Variants in PAK4 observed in about 807,000 individuals in gnomAD.
The protein encoded by PAK4 is serine/threonine-protein kinase PAK 4.
PAK4 carries 49 observed loss-of-function variants against 53.5 expected under a neutral mutation model. The observed-to-expected ratio is 0.92, with a 90% CI of 0.73 to 1.16. The LOEUF is 1.16. PAK4 is among the 50% of genes most tolerant of loss of function. PAK4 has a pLI of 0.00. For synonymous variants in PAK4, 376 were observed against 375.6 expected (o/e 1.00, Z -0.01); for missense variants, 824 against 850.7 (o/e 0.97, Z 0.39).
In PAK4 at chr19:39,175,337, G is replaced by C; in HGVS notation, c.1258G>C (p.Val420Leu). Residue 420 changes from valine (V) to leucine (L), a missense_variant, in exon 6 of 9, where the codon GTG (valine) becomes CTG (leucine). Around this residue, in one of 2 missense-constraint regions of PAK4, gnomAD observed 346 missense variants for 415.0 expected, o/e 0.83. Coordinates refer to ENST00000358301, the Ensembl canonical transcript of PAK4. This position sits in a 1 kb window ranked among gnomAD's most constrained non-coding sequence, Gnocchi z 4.7. ...GATGAACGAGGAGCAGATCGCGGCC[G>C]TGTGCCTTGCAGTGCTGCAGGCCCT... 3 of 1,595,354 alleles carry C rather than the reference G, an allele frequency of 1.9e-6. No individual in the cohort carries two copies. Among genetic ancestry groups the C allele is most frequent in the Non-Finnish European group, 2.6e-6 (3 of 1,171,726 alleles).
chr19:39,132,586 A>T (rs2073733907), intron 1 of PAK4, among the ~76,000 whole-genome samples: 4 of 152,244 alleles, frequency 2.6e-5, no homozygotes, highest in Admixed American at 2.6e-4. Flanking sequence ...GATGGCCATC[A>T]GGCCATTCCC....
intron 6 of PAK4, among the ~76,000 whole-genome samples, chr19:39,176,236 G>A (rs146253330): frequency 6.6e-6 from 1 of 152,368 alleles, no homozygotes; most frequent in Non-Finnish European, 1.5e-5. Context: ...CTAAAGACTT[G>A]TTCCAGGGCA....
chr19:39,160,276 G>T lies in PAK4; in HGVS notation c.-22-9256G>T, dbSNP rs1462578269. Among the ~76,000 whole-genome samples, 5 of 152,200 alleles carry T rather than the reference G, an allele frequency of 3.3e-5. No individual in the cohort carries two copies. The East Asian group carries it at 9.6e-4, about 29-fold the overall frequency. On this transcript the variant is annotated intron_variant, in intron 1 of 8. Transcript: ENST00000358301. ...CCTCAGGGACCAGGCTCATTACTTT[G>T]GTAATGGCATCACCCATTTGTTCCA...
intron 1 of PAK4, among the ~76,000 whole-genome samples, chr19:39,148,502 C>T (rs1464644160): frequency 4.2e-5 from 2 of 47,690 alleles, no homozygotes; most frequent in Non-Finnish European, 7.3e-5. Context: ...GAGAGTCTCG[C>T]TCTGTTGCCC....
chr19:39,178,834 TG>T lies in PAK4; in HGVS notation c.*256del. 1 of 446,466 alleles carries T rather than the reference TG, an allele frequency of 2.2e-6. No individual in the cohort carries two copies. The highest frequency in any genetic ancestry group is 3.4e-5 in the South Asian group (1 of 29,228). The allele number at this position is 446,466 out of a possible 1,614,324, so 27.7% of individuals were successfully genotyped here. On this transcript the variant is annotated 3_prime_UTR_variant, in exon 9 of 9. Transcript: ENST00000358301. The surrounding 1 kb of genome is among the most constrained non-coding windows in gnomAD (Gnocchi z 4.4). ...ACCCTCTGGGACAGGCCCTCCCCCA[TG>T]TTCTTCTGTCTCCAGGAAGGGCAGC...
intron 1 of PAK4, among the ~76,000 whole-genome samples, chr19:39,139,751 T>A (rs921897421): frequency 2.6e-5 from 4 of 151,962 alleles, no homozygotes; most frequent in African/African-American, 9.7e-5. Context: ...TCACCCGGGG[T>A]GGGAGGCACT....
intron 1 of PAK4, among the ~76,000 whole-genome samples, chr19:39,154,437 A>AG (rs1398642730): frequency 6.6e-6 from 1 of 152,190 alleles, no homozygotes; most frequent in African/African-American, 2.4e-5. Context: ...AGAAAGGAAA[A>AG]GAAAAAACCT....
At chr19:39,128,813 A>G (rs2073642702) in intron 1 of PAK4, among the ~76,000 whole-genome samples, 1 of 152,130 alleles carries the variant, frequency 6.6e-6, no homozygotes, top group Non-Finnish European at 1.5e-5. Flanking sequence ...CCTTGAATGT[A>G]TTCACCAACA....
chr19:39,157,575 C>T (rs1456448491), intron 1 of PAK4, among the ~76,000 whole-genome samples: 1 of 152,218 alleles, frequency 6.6e-6, no homozygotes, highest in African/African-American at 2.4e-5. Context: ...GTCTCAGAAG[C>T]TCCCTCTGGG....
chr19:39,154,477 T>A (rs942432567), intron 1 of PAK4, among the ~76,000 whole-genome samples: 1 of 152,204 alleles, frequency 6.6e-6, no homozygotes, highest in African/African-American at 2.4e-5. Flanking sequence ...CCTCCAGGGC[T>A]GAGCTGGGCC....
intron 1 of PAK4, among the ~76,000 whole-genome samples, chr19:39,145,537 C>T (rs565083164): frequency 6.6e-6 from 1 of 152,312 alleles, no homozygotes; most frequent in South Asian, 2.1e-4. Flanking sequence ...CCCGCAGCCC[C>T]CTGCTCCACG....
rs192330659 is a variant in PAK4, at chr19:39,175,922, C to T, written c.1359+484C>T. 2.1e-4 allele frequency among the ~76,000 whole-genome samples: 32 copies of T among 152,330 alleles called. No homozygotes were observed. The highest frequency in any genetic ancestry group is 7.7e-4 in the African/African-American group (32 of 41,576). On this transcript the variant is annotated intron_variant, in intron 6 of 8. Transcript: ENST00000358301. The surrounding 1 kb of genome is among the most constrained non-coding windows in gnomAD (Gnocchi z 4.7). ...GCAGAAGTGGATGACTCCATCCCCTCCCCCAAGGAAGATTAAGCCACACCA... is the reference window on the plus strand; with the variant it reads ...GCAGAAGTGGATGACTCCATCCCCTTCCCCAAGGAAGATTAAGCCACACCA...
chr19:39,147,026 A>G (rs1568505363), intron 1 of PAK4, among the ~76,000 whole-genome samples: 2 of 77,408 alleles, frequency 2.6e-5, no homozygotes, highest in Non-Finnish European at 5.9e-5. Flanking sequence ...GTAGTACCAG[A>G]TACCAGAGTG....
intron 1 of PAK4, among the ~76,000 whole-genome samples, chr19:39,143,924 A>G (rs2073954415): frequency 7.0e-6 from 1 of 142,888 alleles, no homozygotes; most frequent in African/African-American, 2.9e-5. Context: ...GTGAGCTATG[A>G]TGGGGTCCTA....
chr19:39,126,076 G>GAGTT (rs909198539), intron 1 of PAK4, among the ~76,000 whole-genome samples, 157 bp downstream of exon 1: 4 of 152,230 alleles, frequency 2.6e-5, no homozygotes, highest in Middle Eastern at 3.4e-3. Context: ...AGACTGGAGG[G>GAGTT]AGTTGTAGTG....
At position 39,145,482 on chromosome 19, in the gene PAK4, C is replaced by T. The variant is rs1259006176; in HGVS notation, c.-23+19563C>T. Among the ~76,000 whole-genome samples the T allele has an allele frequency of 3.9e-5, 6 of 152,148 alleles. No homozygotes were observed. In the East Asian group the frequency reaches 1.2e-3, roughly 29 times the overall value. On this transcript the variant is annotated intron_variant, in intron 1 of 8. Coordinates refer to ENST00000358301, the Ensembl canonical transcript of PAK4. Reference sequence around the variant, plus strand: ...CCTGGCCAGAGGAAAGCAGCTCTGTCCTGGGGGGGCCCCAGGAGGACGCTC... The same window carrying T: ...CCTGGCCAGAGGAAAGCAGCTCTGTTCTGGGGGGGCCCCAGGAGGACGCTC...
rs1008681661 is a variant in PAK4 at position 39,132,553 on chromosome 19, G to A, written c.-23+6634G>A. On this transcript the variant is annotated intron_variant, in intron 1 of 8. Transcript: ENST00000358301. ...GTCCCACGCACACGCGTGCCCCCAC[G>A]GACAGCACAGCCATTCTGTGCTGAT... 5.9e-5 allele frequency among the ~76,000 whole-genome samples: 9 copies of A among 152,246 alleles called. No homozygotes were observed. In the East Asian group the frequency reaches 1.2e-3, roughly 20 times the overall value.
At chr19:39,151,380 G>C (rs945385346) in intron 1 of PAK4, among the ~76,000 whole-genome samples, 1 of 152,256 alleles carries the variant, frequency 6.6e-6, no homozygotes, top group Non-Finnish European at 1.5e-5. Flanking sequence ...CTGCAAGGCC[G>C]AGGGGAGATA....
At chr19:39,131,448 A>G (rs576786290) in intron 1 of PAK4, among the ~76,000 whole-genome samples, 1 of 152,012 alleles carries the variant, frequency 6.6e-6, no homozygotes, top group South Asian at 2.1e-4. Flanking sequence ...TGTTTCTCCC[A>G]TCACCGAGCC....
Sources: gnomAD v4.1 joint callset for allele counts (sites outside exome capture counted in the v4.1 genomes callset) on GRCh38, gnomAD v4.1.1 for gene constraint, gnomAD v4.1.1 regional missense constraint, Gnocchi (gnomAD v3.1) non-coding constraint, MANE v1.5 for transcripts, NCBI Gene and HGNC (gene_info 2026-07-23, HGNC 2026-07-21) for gene names.